The following CERT1 variants were observed in gnomAD, a reference collection of about 807,000 sequenced individuals.
CERT1 encodes ceramide transporter 1, also known as ceramide transfer protein.
In CERT1, 31 loss-of-function variants were observed where a neutral mutation model predicts 87.9. That is an observed-to-expected ratio of 0.35 (90% CI 0.27 to 0.48). CERT1 has a LOEUF of 0.48. Among genes scored for constraint, CERT1 ranks in the 20% least tolerant of loss-of-function variants. The pLI, the probability that CERT1 is intolerant of heterozygous loss-of-function variation, is 0.99. For missense variants in CERT1, 487 were observed against 758.0 expected (o/e 0.64, Z 4.20); for synonymous variants, 289 against 250.9 (o/e 1.15, Z -1.44).
intron 3 of CERT1, among the ~76,000 whole-genome samples, chr5:75,434,390 A>G (rs757400945): frequency 1.3e-5 from 2 of 152,020 alleles, no homozygotes; most frequent in Non-Finnish European, 2.9e-5. Context: ...TGCTGTATTC[A>G]ATTTGCTAAT....
chr5:75,416,805 G>A (rs748045898), intron 7 of CERT1, 71 bp downstream of exon 7: 1 of 1,338,284 alleles, frequency 7.5e-7, no homozygotes, highest in Admixed American at 2.3e-5. Flanking sequence ...AAGTTAGCTT[G>A]TTTTAAATAT....
chr5:75,490,076 C>T (rs1350050709), intron 2 of CERT1, among the ~76,000 whole-genome samples: 1 of 152,180 alleles, frequency 6.6e-6, no homozygotes, highest in Non-Finnish European at 1.5e-5. Context: ...AACCATCATT[C>T]TCAGCAAACT....
chr5:75,434,834 T>C (rs933005842), intron 3 of CERT1, among the ~76,000 whole-genome samples: 1 of 152,114 alleles, frequency 6.6e-6, no homozygotes, highest in African/African-American at 2.4e-5. Context: ...TGAGTGGTAA[T>C]GTCACCTTTG....
chr5:75,419,305 A>G (rs1763271760), intron 6 of CERT1, 36 bp downstream of exon 6: 1 of 1,366,004 alleles, frequency 7.3e-7, no homozygotes. Flanking sequence ...CTGAAAGTAT[A>G]TTTTATCCAG....
chr5:75,462,571 G>A (rs1765278042), intron 2 of CERT1, among the ~76,000 whole-genome samples: 1 of 151,990 alleles, frequency 6.6e-6, no homozygotes, highest in Non-Finnish European at 1.5e-5. Context: ...CAGGGTTTGA[G>A]GACCCCCGAT....
intron 9 of CERT1, chr5:75,402,341 G>A (rs1762529203): frequency 6.6e-6 from 1 of 152,156 alleles, no homozygotes; most frequent in Non-Finnish European, 1.5e-5. Flanking sequence ...CTAAATATAT[G>A]CTTTATATTA....
chr5:75,462,755 G>A (rs924342702), intron 2 of CERT1, among the ~76,000 whole-genome samples: 1 of 152,122 alleles, frequency 6.6e-6, no homozygotes, highest in African/African-American at 2.4e-5. Context: ...AGCACTTTGG[G>A]AGGCGAGGTG....
intron 1 of CERT1, among the ~76,000 whole-genome samples, chr5:75,510,650 A>C (rs939717460): frequency 6.6e-6 from 1 of 152,102 alleles, no homozygotes; most frequent in Non-Finnish European, 1.5e-5. Context: ...TCAAATTTCA[A>C]CACCAAGCTG....
At position 75,422,808 on chromosome 5, in the gene CERT1, T is replaced by C. The variant is rs145440970; in HGVS notation, c.595+2553A>G. Among the ~76,000 whole-genome samples, 317 of 152,238 alleles carry C rather than the reference T, an allele frequency of 2.1e-3. 1 individual carries two copies. The East Asian group carries it at 0.027, about 13-fold the overall frequency. ...AGTAATTAAGTTAACATGGGGTCAT[T>C]AGGATGGGCACTAATCCACTATGAC... is the stretch of plus-strand genomic sequence containing the variant. On this transcript the variant is annotated intron_variant, in intron 5 of 16. Transcript: ENST00000643780.
At position 75,422,932 on chromosome 5, in the gene CERT1, C is replaced by T. The variant is rs531272890; in HGVS notation, c.595+2429G>A. Among the ~76,000 whole-genome samples the T allele has an allele frequency of 2.0e-5, 3 of 152,250 alleles. No individual in the cohort carries two copies. The East Asian group carries it at 5.8e-4, about 29-fold the overall frequency. On this transcript the variant is annotated intron_variant, in intron 5 of 16. Coordinates refer to ENST00000643780, the MANE Select transcript of CERT1 (RefSeq NM_001379029.1). ...GCTACCTATAAGCCAAGGAGAGAGG[C>T]GTGGAACAGGTTTTTCCTTCATGGC... is the stretch of plus-strand genomic sequence containing the variant.
At chr5:75,491,201 T>C (rs1766779187) in intron 2 of CERT1, among the ~76,000 whole-genome samples, 1 of 152,156 alleles carries the variant, frequency 6.6e-6, no homozygotes, top group Non-Finnish European at 1.5e-5. Flanking sequence ...ATCTTTTTCT[T>C]TCTGTCGTTT....
chr5:75,439,212 A>T (rs911077085), intron 3 of CERT1, among the ~76,000 whole-genome samples: 4 of 151,940 alleles, frequency 2.6e-5, no homozygotes, highest in African/African-American at 9.7e-5. Context: ...TTGAACAAAA[A>T]AAAAAAGCCA....
intron 2 of CERT1, among the ~76,000 whole-genome samples, chr5:75,477,244 C>T (rs1765994574): frequency 6.6e-6 from 1 of 151,930 alleles, no homozygotes; most frequent in Non-Finnish European, 1.5e-5. Context: ...TTCTAAATGT[C>T]TTGGCCTCAT....
intron 5 of CERT1, among the ~76,000 whole-genome samples, chr5:75,421,179 A>T (rs939439798): frequency 6.6e-6 from 1 of 152,180 alleles, no homozygotes; most frequent in Non-Finnish European, 1.5e-5. Context: ...CTAATGTCTT[A>T]CTTACTGCAT....
At chr5:75,369,136 C>T (rs924957460) in intron 17 of CERT1, 1 of 152,018 alleles carries the variant, frequency 6.6e-6, no homozygotes, top group Non-Finnish European at 1.5e-5. Context: ...GGCTGGTCTT[C>T]AACTCCTGAC....
intron 2 of CERT1, among the ~76,000 whole-genome samples, chr5:75,464,447 G>T (rs59896135): frequency 0.026 from 3,999 of 152,262 alleles, 149 homozygotes; most frequent in African/African-American, 0.086. Flanking sequence ...GGTGCTATGG[G>T]GGATGCGGGT....
chr5:75,489,011 A>G (rs1766653762), intron 2 of CERT1, among the ~76,000 whole-genome samples: 1 of 152,184 alleles, frequency 6.6e-6, no homozygotes, highest in Non-Finnish European at 1.5e-5. Context: ...CTACAAGGCT[A>G]CAGTAACCAA....
intron 2 of CERT1, among the ~76,000 whole-genome samples, chr5:75,459,678 T>C (rs1765145014): frequency 6.6e-6 from 1 of 152,016 alleles, no homozygotes; most frequent in South Asian, 2.1e-4. Flanking sequence ...AAATGTAGGC[T>C]TGCTGGCTGG....
downstream of CERT1, chr5:75,373,778 T>G (rs1285171607): frequency 7.5e-6 from 2 of 267,994 alleles, no homozygotes; most frequent in Non-Finnish European, 1.4e-5. Context: ...CCATGTGCAT[T>G]CAACTTTTGT....
Sources: allele counts gnomAD v4.1 joint callset (sites outside exome capture counted in the v4.1 genomes callset), GRCh38; gene constraint gnomAD v4.1.1; transcripts MANE v1.5; gene names NCBI Gene and HGNC (gene_info 2026-07-23, HGNC 2026-07-21).